IMMP2L: variants seen among roughly 807,000 people sequenced by gnomAD.
IMMP2L encodes the protein inner mitochondrial membrane peptidase subunit 2.
In IMMP2L, 18 loss-of-function variants were observed where a neutral mutation model predicts 19.3. The ratio of observed to expected loss-of-function variants is 0.93; its 90% CI spans 0.64 to 1.38. IMMP2L has a LOEUF of 1.38. IMMP2L is among the 40% of genes most tolerant of loss of function. The pLI is 0.00. For missense variants in IMMP2L, 233 were observed against 218.2 expected, an observed-to-expected ratio of 1.07 and a Z score of -0.43; for synonymous variants, 76 against 73.0, an observed-to-expected ratio of 1.04 and a Z score of -0.21.
intron 3 of IMMP2L, among the ~76,000 whole-genome samples, chr7:111,301,312 G>C (rs570341293): frequency 6.7e-6 from 1 of 148,610 alleles, no homozygotes; most frequent in Non-Finnish European, 1.5e-5. Flanking sequence ...TTGCAGTTAG[G>C]TTTTAAGAGT....
At chr7:111,442,843 C>T (rs535309945) in intron 3 of IMMP2L, among the ~76,000 whole-genome samples, 8 of 151,820 alleles carry the variant, frequency 5.3e-5, no homozygotes, top group Non-Finnish European at 1.0e-4. Context: ...AGTTAATTGC[C>T]ACTTCACAGC....
chr7:111,179,684 C>T (rs1807491198), intron 3 of IMMP2L, among the ~76,000 whole-genome samples: 1 of 152,046 alleles, frequency 6.6e-6, no homozygotes, highest in Admixed American at 6.6e-5. Flanking sequence ...GCTTTGAAGC[C>T]AGCATTGACT....
At chr7:111,311,999 A>G (rs1823575040) in intron 3 of IMMP2L, among the ~76,000 whole-genome samples, 1 of 152,158 alleles carries the variant, frequency 6.6e-6, no homozygotes, top group Non-Finnish European at 1.5e-5. Flanking sequence ...GATTTCTTCA[A>G]GGACACTGAT....
chr7:111,306,577 T>A (rs1379428584), intron 3 of IMMP2L, among the ~76,000 whole-genome samples: 6 of 151,808 alleles, frequency 4.0e-5, no homozygotes, highest in Non-Finnish European at 8.8e-5. Flanking sequence ...CATTTTTATA[T>A]ATGAGATCAC....
intron 2 of IMMP2L, among the ~76,000 whole-genome samples, chr7:111,516,482 C>G (rs1002044916): frequency 2.0e-5 from 3 of 152,048 alleles, no homozygotes; most frequent in African/African-American, 7.2e-5. Context: ...CTACGCACTA[C>G]TCTTGCAACT....
intron 2 of IMMP2L, among the ~76,000 whole-genome samples, chr7:111,491,311 T>C (rs1387835586): frequency 6.6e-6 from 1 of 152,082 alleles, no homozygotes; most frequent in Non-Finnish European, 1.5e-5. Flanking sequence ...TTGTGGGGTG[T>C]GGGACAGTCA....
chr7:110,752,133 T>C (rs1797762050), intron 5 of IMMP2L, among the ~76,000 whole-genome samples: 1 of 151,992 alleles, frequency 6.6e-6, no homozygotes, highest in African/African-American at 2.4e-5. Context: ...CTTTTAGAAA[T>C]AGGCATGAAG....
At chr7:110,913,013 G>C (rs966935335) in intron 4 of IMMP2L, among the ~76,000 whole-genome samples, 1 of 152,126 alleles carries the variant, frequency 6.6e-6, no homozygotes, top group Non-Finnish European at 1.5e-5. Context: ...AGACAGATGA[G>C]TGAAGAGTAG....
chr7:111,371,373 C>G (rs1013428370), intron 3 of IMMP2L, among the ~76,000 whole-genome samples: 3 of 152,014 alleles, frequency 2.0e-5, no homozygotes, highest in Non-Finnish European at 4.4e-5. Flanking sequence ...AAAAGAAGAT[C>G]TTACTGGGGT....
At chr7:111,501,525 A>C (rs1201093330) in intron 2 of IMMP2L, among the ~76,000 whole-genome samples, 1 of 152,198 alleles carries the variant, frequency 6.6e-6, no homozygotes, top group East Asian at 1.9e-4. Context: ...TAACTGTCAC[A>C]TTCACCAAAG....
rs190490570 is a variant in IMMP2L, at chr7:110,666,509, C to T, written c.409-2788G>A. On this transcript the variant is annotated intron_variant, in intron 5 of 5. Transcript: ENST00000405709. ...CAGGATGGTCTTGATCTCTTGACCT[C>T]GTGATCCACCAGCCTCAGCCTCCCA... 1.5e-3 allele frequency among the ~76,000 whole-genome samples: 221 copies of T among 152,100 alleles called. 3 individuals carry two copies. Among genetic ancestry groups the T allele is most frequent in the African/African-American group, 4.3e-3 (177 of 41,508 alleles).
chr7:111,302,839 G>C (rs1822414916), intron 3 of IMMP2L, among the ~76,000 whole-genome samples: 1 of 152,056 alleles, frequency 6.6e-6, no homozygotes, highest in African/African-American at 2.4e-5. Flanking sequence ...GAATACACCT[G>C]AAAGAGAGTT....
intron 3 of IMMP2L, among the ~76,000 whole-genome samples, chr7:111,012,233 C>T (rs1235802787): frequency 2.0e-5 from 3 of 152,064 alleles, no homozygotes; most frequent in African/African-American, 7.2e-5. Flanking sequence ...GATGTCCAAG[C>T]ACGAGTTTTC....
intron 3 of IMMP2L, among the ~76,000 whole-genome samples, chr7:110,976,210 TA>T (rs1820679859): frequency 6.6e-6 from 1 of 152,092 alleles, no homozygotes; most frequent in Admixed American, 6.6e-5. Context: ...AAGGTAGTGT[TA>T]CCCTTCTCAT....
intron 5 of IMMP2L, among the ~76,000 whole-genome samples, chr7:110,828,948 C>T (rs1803729663): frequency 6.6e-6 from 1 of 152,164 alleles, no homozygotes; most frequent in Non-Finnish European, 1.5e-5. Context: ...TCTGTGCCTT[C>T]TAAGTCTTCG....
chr7:110,888,091 C>T (rs1002570963), intron 4 of IMMP2L, among the ~76,000 whole-genome samples: 5 of 151,912 alleles, frequency 3.3e-5, no homozygotes, highest in African/African-American at 4.8e-5. Flanking sequence ...ATTCATGCAA[C>T]GAAGCAATAT....
At chr7:110,764,578 T>C (rs150822977) in intron 5 of IMMP2L, among the ~76,000 whole-genome samples, 155 of 152,150 alleles carry the variant, frequency 1.0e-3, no homozygotes, top group African/African-American at 3.5e-3. Flanking sequence ...TATCAACAAA[T>C]CCTGTATTAA....
intron 5 of IMMP2L, among the ~76,000 whole-genome samples, chr7:110,869,515 A>T (rs1167958384): frequency 6.6e-6 from 1 of 152,134 alleles, no homozygotes; most frequent in East Asian, 1.9e-4. Flanking sequence ...AACTGTGTTT[A>T]AACAGTATGT....
In IMMP2L at chr7:111,281,220, GAAAGAAAGAAAGAAAGAAA is replaced by G. The variant is rs1563005276; in HGVS notation, c.239+205999_239+206017del. Among the ~76,000 whole-genome samples the G allele has an allele frequency of 3.9e-4, 26 of 67,018 alleles. 1 individual carries two copies. The highest frequency in any genetic ancestry group is 1.6e-3 in the African/African-American group (25 of 15,598). 44.0% of individuals were successfully genotyped at this position (67,018 alleles called of 152,430 possible). On this transcript the variant is annotated intron_variant, in intron 3 of 5. Transcript: ENST00000405709. ...AAAGAAAGAAAGAAAGAAAGAAAAA[GAAAGAAAGAAAGAAAGAAA>G]GAAAGAAGAGAGAGAGAGAAAGAGA...
Sources: gnomAD v4.1 joint callset for allele counts (sites outside exome capture counted in the v4.1 genomes callset) on GRCh38, gnomAD v4.1.1 for gene constraint, MANE v1.5 for transcripts, NCBI Gene and HGNC (gene_info 2026-07-23, HGNC 2026-07-21) for gene names.